COLQ: variants seen among roughly 807,000 people sequenced by gnomAD.
COLQ encodes the protein acetylcholinesterase collagenic tail peptide.
A neutral mutation model predicts 69.0 loss-of-function variants in COLQ; 48 were observed. The ratio of observed to expected loss-of-function variants is 0.70; its 90% CI spans 0.55 to 0.88. The LOEUF is 0.88. Ranked by LOEUF, COLQ falls within the 40% of genes least tolerant of loss-of-function variation. The pLI, the probability that COLQ is intolerant of heterozygous loss-of-function variation, is 0.00. For missense variants in COLQ, 618 were observed against 594.6 expected (o/e 1.04, Z -0.41); for synonymous variants, 217 against 211.2 (o/e 1.03, Z -0.24).
At chr3:15,455,322 T>C (rs1435497750) in intron 15 of COLQ, among the ~76,000 whole-genome samples, 1 of 152,108 alleles carries the variant, frequency 6.6e-6, no homozygotes. Context: ...GCTCCTGCTT[T>C]CCATCACACC....
chr3:15,478,995 A>G lies in COLQ; in HGVS notation c.375T>C (p.Leu125=), dbSNP rs1467499570. The change falls in exon 5 of 17, where the codon CTT becomes CTC. Residue 125 remains leucine, a synonymous_variant. Coordinates refer to ENST00000383788, the MANE Select transcript of COLQ (RefSeq NM_005677.4). ...ACCATACCTTCCTTCCTGGTCGGCCAAGCTCCCCCTATGGATGGAGAAGAC... is the reference window on the plus strand; with the variant it reads ...ACCATACCTTCCTTCCTGGTCGGCCGAGCTCCCCCTATGGATGGAGAAGAC... ...KTGPKGEKGE[L]GRPGRKGRPG... 1 of 1,614,094 alleles carries G rather than the reference A, an allele frequency of 6.2e-7. No individual in the cohort carries two copies. Among genetic ancestry groups the G allele is most frequent in the Non-Finnish European group, 8.5e-7 (1 of 1,180,050 alleles).
intron 4 of COLQ, 69 bp downstream of exon 4, chr3:15,479,269 A>G: frequency 6.6e-7 from 1 of 1,505,910 alleles, no homozygotes; most frequent in Non-Finnish European, 9.2e-7. Context: ...GGAAATTCTC[A>G]GTGGGATGCC....
At position 15,454,651 on chromosome 3, in the gene COLQ, G is replaced by GTTTTTTT. The variant is rs56053367; in HGVS notation, c.1196-727_1196-721dup. On this transcript the variant is annotated intron_variant, in intron 15 of 16. Transcript: ENST00000383788. ...TGCCCTGTCATCCTTCCCCTGAACT[G>GTTTTTTT]TTTTTTTTTTTTTTTTTTTTTTGAG... Among the ~76,000 whole-genome samples, 15 of 118,140 alleles carry GTTTTTTT rather than the reference G, an allele frequency of 1.3e-4. 1 individual carries two copies. The highest frequency in any genetic ancestry group is 4.6e-4 in the African/African-American group (13 of 28,424). The allele number at this position is 118,140 out of a possible 152,430, so 77.5% of individuals were successfully genotyped here. A position where few individuals can be genotyped will look rare whatever the true frequency, so the allele number is the denominator to read the frequency against.
At chr3:15,503,022 G>A (rs56119128) in intron 1 of COLQ, among the ~76,000 whole-genome samples, 34,821 of 152,112 alleles carry the variant, frequency 0.23, 4,118 homozygotes, top group African/African-American at 0.27. Flanking sequence ...CAGAATTGGG[G>A]TCAGAGTTCC....
intron 1 of COLQ, among the ~76,000 whole-genome samples, chr3:15,515,143 C>T (rs969005311): frequency 1.4e-4 from 21 of 152,186 alleles, no homozygotes; most frequent in African/African-American, 4.8e-4. Flanking sequence ...AGAGAGATGA[C>T]AGAAACTCCA....
chr3:15,479,117 G>T, intron 4 of COLQ, 114 bp from the exon 5 acceptor site: 1 of 1,333,414 alleles, frequency 7.5e-7, no homozygotes, highest in Non-Finnish European at 1.1e-6. Context: ...TTGCTTGGCT[G>T]CTGCTCACGG....
intron 1 of COLQ, among the ~76,000 whole-genome samples, chr3:15,500,000 T>G (rs1380975528): frequency 6.6e-6 from 1 of 152,036 alleles, no homozygotes; most frequent in African/African-American, 2.4e-5. Flanking sequence ...TTGTATAAGG[T>G]AAAAAAAGAA....
At chr3:15,461,436 C>T (rs2062112798) in intron 12 of COLQ, among the ~76,000 whole-genome samples, 1 of 152,192 alleles carries the variant, frequency 6.6e-6, no homozygotes, top group African/African-American at 2.4e-5. Context: ...AAGGACTCAG[C>T]AACCTGAACT....
At position 15,499,078 on chromosome 3, in the gene COLQ, C is replaced by A. The variant is rs1307822168; in HGVS notation, c.107-9441G>T. Among the ~76,000 whole-genome samples, 4 of 150,836 alleles carry A rather than the reference C, an allele frequency of 2.7e-5. No individual in the cohort carries two copies. In the South Asian group the frequency reaches 6.3e-4, roughly 24 times the overall value. On this transcript the variant is annotated intron_variant, in intron 1 of 16. Transcript: ENST00000383788. ...CCTCCTCTGCTTCAGGGAAGACCTT[C>A]ATGGCCAGGGGTCTCAGCTCTAATC...
chr3:15,480,024 T>C (rs1182979436), intron 3 of COLQ, among the ~76,000 whole-genome samples: 3 of 152,180 alleles, frequency 2.0e-5, no homozygotes, highest in Non-Finnish European at 4.4e-5. Context: ...AAGCTTTGCA[T>C]ATCCACAGCC....
At position 15,451,579 on chromosome 3, in the gene COLQ, T is replaced by C. The variant is rs1469833817; in HGVS notation, c.*65A>G. The C allele has an allele frequency of 5.4e-6, 8 of 1,489,570 alleles. No individual in the cohort carries two copies. Among genetic ancestry groups the C allele is most frequent in the South Asian group, 1.1e-5 (1 of 88,662 alleles). 92.3% of individuals were successfully genotyped at this position (1,489,570 alleles called of 1,614,324 possible). On this transcript the variant is annotated 3_prime_UTR_variant, in exon 17 of 17. Transcript: ENST00000383788. ...GGAGACGGGGCCAGGACATGGCCAG[T>C]TTGATGACAGTGGAGAAGCTGCTGC...
At chr3:15,469,610 A>G (rs763421746) in intron 11 of COLQ, among the ~76,000 whole-genome samples, 1 of 152,184 alleles carries the variant, frequency 6.6e-6, no homozygotes, top group Non-Finnish European at 1.5e-5. Context: ...TTGGCTTCAT[A>G]GTGTTATTAT....
At chr3:15,486,253 A>G (rs1328513681) in intron 3 of COLQ, among the ~76,000 whole-genome samples, 1 of 152,042 alleles carries the variant, frequency 6.6e-6, no homozygotes, top group Non-Finnish European at 1.5e-5. Flanking sequence ...CAGATGACCC[A>G]CTCCGTTCAC....
chr3:15,488,948 G>A (rs1186552720), intron 2 of COLQ, among the ~76,000 whole-genome samples: 2 of 152,198 alleles, frequency 1.3e-5, no homozygotes, highest in Non-Finnish European at 2.9e-5. Context: ...GAGACAGAGC[G>A]TTGGGAAAGA....
rs1184901904 is a variant in COLQ at position 15,456,614 on chromosome 3, A to C, written c.955-35T>G. 4 of 1,611,948 alleles carry C rather than the reference A, an allele frequency of 2.5e-6. No homozygotes were observed. In the African/African-American group the frequency reaches 5.3e-5, roughly 21 times the overall value. On this transcript the variant is annotated intron_variant, in intron 13 of 16. Coordinates refer to ENST00000383788, the MANE Select transcript of COLQ (RefSeq NM_005677.4). ...AACACACTGGTGAGGATTCCAGAAA[A>C]CACTTCTGCAGGGGGCAGGAAAAAA...
chr3:15,478,732 C>A (rs2062423829), intron 5 of COLQ: 2 of 598,962 alleles, frequency 3.3e-6, no homozygotes, highest in Admixed American at 2.7e-5. Context: ...TGGAATTTGG[C>A]CAGGCTTGGC....
intron 10 of COLQ, 38 bp from the exon 11 acceptor site, chr3:15,470,654 G>T: frequency 6.3e-7 from 1 of 1,592,044 alleles, no homozygotes; most frequent in Admixed American, 1.7e-5. Flanking sequence ...AGGACTTAGG[G>T]CATGTGGAGT....
At chr3:15,475,356 G>A (rs978451477) in intron 7 of COLQ, 69 bp downstream of exon 7, 8 of 1,443,918 alleles carry the variant, frequency 5.5e-6, no homozygotes, top group Non-Finnish European at 7.6e-6. Context: ...CAGTCCCTAT[G>A]TTTGTAGACA....
intron 1 of COLQ, among the ~76,000 whole-genome samples, chr3:15,507,175 G>A (rs949490875): frequency 6.6e-6 from 1 of 152,180 alleles, no homozygotes; most frequent in Non-Finnish European, 1.5e-5. Context: ...CCCCATTGAT[G>A]TGCATTTGGA....
Sources: gnomAD v4.1 joint callset for allele counts (sites outside exome capture counted in the v4.1 genomes callset) on GRCh38, gnomAD v4.1.1 for gene constraint, MANE v1.5 for transcripts, NCBI Gene and HGNC (gene_info 2026-07-23, HGNC 2026-07-21) for gene names.